RASGEF1A: variants seen among roughly 807,000 people sequenced by gnomAD.
The protein encoded by RASGEF1A is RasGEF domain family member 1A.
RASGEF1A carries 18 observed loss-of-function variants against 56.4 expected under a neutral mutation model. The ratio of observed to expected loss-of-function variants is 0.32; its 90% CI spans 0.22 to 0.47. RASGEF1A has a LOEUF of 0.47. Ranked by LOEUF, RASGEF1A falls within the 20% of genes least tolerant of loss-of-function variation. The pLI is 1.00. For synonymous variants in RASGEF1A, 245 were observed against 242.6 expected, an observed-to-expected ratio of 1.01 and a Z score of -0.09; for missense variants, 422 against 627.1, an observed-to-expected ratio of 0.67 and a Z score of 3.49.
chr10:43,262,966 G>C (rs1373502399), intron 1 of RASGEF1A, among the ~76,000 whole-genome samples: 3 of 152,212 alleles, frequency 2.0e-5, no homozygotes, highest in Non-Finnish European at 2.9e-5. Context: ...GGCAGAGGGG[G>C]TGAGGGAGAG....
intron 1 of RASGEF1A, among the ~76,000 whole-genome samples, chr10:43,260,594 G>T (rs185268684): frequency 6.6e-6 from 1 of 152,038 alleles, no homozygotes; most frequent in South Asian, 2.1e-4. Context: ...GCTAGGGTCC[G>T]CCCCCCTCTC....
chr10:43,196,143 G>A lies in RASGEF1A; in HGVS notation c.*101C>T. The A allele has an allele frequency of 9.3e-7, 1 of 1,077,762 alleles. No homozygotes were observed. The highest frequency in any genetic ancestry group is 1.4e-6 in the Non-Finnish European group (1 of 730,066). The allele number at this position is 1,077,762 out of a possible 1,614,324, so 66.8% of individuals were successfully genotyped here. On this transcript the variant is annotated 3_prime_UTR_variant, in exon 13 of 13. Transcript: ENST00000395810. The surrounding 1 kb of genome is among the most constrained non-coding windows in gnomAD (Gnocchi z 4.6). ...TTCTCATAAAAGTTATATACAAAAT[G>A]GACCCCAACCAGTGAGGCCTCCTCA...
intron 1 of RASGEF1A, among the ~76,000 whole-genome samples, chr10:43,250,981 C>T (rs965246468): frequency 6.6e-6 from 1 of 152,176 alleles, no homozygotes; most frequent in African/African-American, 2.4e-5. Context: ...GCTCCAGCAG[C>T]GAGCCTCACA....
chr10:43,223,463 G>T (rs1328543581), intron 1 of RASGEF1A, among the ~76,000 whole-genome samples: 1 of 152,132 alleles, frequency 6.6e-6, no homozygotes, highest in East Asian at 1.9e-4. Flanking sequence ...ACTCTGTATC[G>T]AATTTGATAT....
At chr10:43,218,976 C>T (rs781403944) in intron 1 of RASGEF1A, among the ~76,000 whole-genome samples, 2 of 152,264 alleles carry the variant, frequency 1.3e-5, no homozygotes, top group Non-Finnish European at 2.9e-5. Context: ...TTCTGCCTCT[C>T]CCTTTTCCCT....
In RASGEF1A at chr10:43,199,751, G is replaced by T; in HGVS notation, c.774C>A (p.Thr258=). 6.2e-7 allele frequency: 1 copy of T among 1,613,642 alleles called. No homozygotes were observed. The change falls in exon 7 of 13, where the codon ACC becomes ACA. Residue 258 remains threonine, a synonymous_variant. Transcript: ENST00000395810. ...LDNHRCRGDL[T]KTYSLEAYDN... Reference sequence around the variant, plus strand: ...CATAGGCCTCCAGGCTGTAGGTCTTGGTCAGGTCCCCTCGGCACTGGAAAG... The same window carrying T: ...CATAGGCCTCCAGGCTGTAGGTCTTTGTCAGGTCCCCTCGGCACTGGAAAG...
chr10:43,230,253 C>T (rs1022445710), intron 1 of RASGEF1A, among the ~76,000 whole-genome samples: 1 of 152,242 alleles, frequency 6.6e-6, no homozygotes, highest in Non-Finnish European at 1.5e-5. Flanking sequence ...CTGAGACAGG[C>T]GTCGCACAGA....
intron 1 of RASGEF1A, among the ~76,000 whole-genome samples, chr10:43,255,905 A>C (rs114572833): frequency 0.015 from 2,286 of 152,280 alleles, 68 homozygotes; most frequent in African/African-American, 0.053. Flanking sequence ...GCACCAGTCT[A>C]GAGTGGGGGT....
intron 6 of RASGEF1A, 127 bp downstream of exon 6, chr10:43,200,055 G>C: frequency 1.3e-6 from 1 of 754,308 alleles, no homozygotes; most frequent in African/African-American, 1.7e-5. Flanking sequence ...ACATCCATCG[G>C]GGCTCATGGC....
At chr10:43,214,560 C>CCA (rs1419858191) in intron 1 of RASGEF1A, among the ~76,000 whole-genome samples, 1 of 152,170 alleles carries the variant, frequency 6.6e-6, no homozygotes, top group Non-Finnish European at 1.5e-5. Flanking sequence ...CCAACACCAC[C>CCA]AGCCCCACCA....
intron 1 of RASGEF1A, chr10:43,208,472 C>T: frequency 2.1e-5 from 21 of 985,652 alleles, no homozygotes; most frequent in Non-Finnish European, 2.3e-5. Flanking sequence ...CAGAGAGGGG[C>T]TGGGAAGGCC....
Position 43,195,363 on chromosome 10 carries a change from T to G in RASGEF1A, c.*881A>C, listed in dbSNP as rs1390987478. ...CCTACCCAGGTGGGAAGAGGGCTGT[T>G]GGCTGCCCTCCCCTCTGTAGATGAT... On this transcript the variant is annotated 3_prime_UTR_variant, in exon 13 of 13. Coordinates refer to ENST00000395810, the MANE Select transcript of RASGEF1A (RefSeq NM_145313.4). The surrounding 1 kb of genome is among the most constrained non-coding windows in gnomAD (Gnocchi z 4.2). 1 of 152,190 alleles carries G rather than the reference T, an allele frequency of 6.6e-6. No homozygotes were observed. Among genetic ancestry groups the G allele is most frequent in the Non-Finnish European group, 1.5e-5 (1 of 68,030 alleles). 9.4% of individuals were successfully genotyped at this position (152,190 alleles called of 1,614,324 possible).
intron 5 of RASGEF1A, 149 bp downstream of exon 5, chr10:43,200,518 A>G: frequency 1.4e-6 from 1 of 738,440 alleles, no homozygotes; most frequent in Non-Finnish European, 2.2e-6. Context: ...AGACGGACAC[A>G]CATCTGGCAT....
chr10:43,230,130 G>A (rs1840345942), intron 1 of RASGEF1A, among the ~76,000 whole-genome samples: 1 of 152,154 alleles, frequency 6.6e-6, no homozygotes, highest in Non-Finnish European at 1.5e-5. Context: ...CCTCTTACCC[G>A]GCCCCGGCCT....
intron 1 of RASGEF1A, among the ~76,000 whole-genome samples, chr10:43,225,102 G>T (rs939989263): frequency 6.6e-6 from 1 of 151,614 alleles, no homozygotes; most frequent in African/African-American, 2.4e-5. Context: ...GTTTCTGCGT[G>T]TGTGTGCCTG....
chr10:43,198,841 C>T, intron 9 of RASGEF1A, 92 bp downstream of exon 9: 4 of 1,189,088 alleles, frequency 3.4e-6, no homozygotes, highest in Admixed American at 3.4e-5. Flanking sequence ...GAGAGGAGGG[C>T]AGCCCCCCAC....
intron 6 of RASGEF1A, 39 bp from the exon 7 acceptor site, chr10:43,199,807 C>T: frequency 6.4e-7 from 1 of 1,552,494 alleles, no homozygotes. Context: ...GCCTGGAGGA[C>T]CATGGCTGGA....
chr10:43,240,454 T>A lies in RASGEF1A; in HGVS notation c.-7+26391A>T, dbSNP rs150700708. On this transcript the variant is annotated intron_variant, in intron 1 of 12. Coordinates refer to ENST00000395810, the MANE Select transcript of RASGEF1A (RefSeq NM_145313.4). The stretch of plus-strand genomic sequence containing the variant: ...GTATATTTTTTAAAGACTGAAGGAA[T>A]TGATGTTTAAAGAACTAAAGGAAAG... Among the ~76,000 whole-genome samples, 283 of 152,238 alleles carry A rather than the reference T, an allele frequency of 1.9e-3. 1 individual carries two copies. Among genetic ancestry groups the A allele is most frequent in the Middle Eastern group, 0.01 (3 of 294 alleles).
chr10:43,196,110 C>T lies in RASGEF1A; in HGVS notation c.*134G>A. 1.2e-6 allele frequency: 1 copy of T among 814,624 alleles called. No individual in the cohort carries two copies. 50.5% of individuals were successfully genotyped at this position (814,624 alleles called of 1,614,324 possible). The stretch of plus-strand genomic sequence containing the variant: ...CAAAGGTTGATGCGTGAAATAATTA[C>T]CATTTTTTTCTCATAAAAGTTATAT... On this transcript the variant is annotated 3_prime_UTR_variant, in exon 13 of 13. Coordinates refer to ENST00000395810, the MANE Select transcript of RASGEF1A (RefSeq NM_145313.4). This position sits in a 1 kb window ranked among gnomAD's most constrained non-coding sequence, Gnocchi z 4.6.
Sources: allele counts gnomAD v4.1 joint callset (sites outside exome capture counted in the v4.1 genomes callset), GRCh38; gene constraint gnomAD v4.1.1; non-coding constraint Gnocchi (gnomAD v3.1); transcripts MANE v1.5; gene names NCBI Gene and HGNC (gene_info 2026-07-23, HGNC 2026-07-21).